PTPN12: variants seen among roughly 807,000 people sequenced by gnomAD.
PTPN12 encodes protein tyrosine phosphatase non-receptor type 12, also known as tyrosine-protein phosphatase non-receptor type 12.
PTPN12 carries 29 observed loss-of-function variants against 97.6 expected under a neutral mutation model. The observed-to-expected ratio is 0.30, with a 90% CI of 0.22 to 0.41. The LOEUF (loss-of-function observed/expected upper bound fraction) is 0.41. Among genes scored for constraint, PTPN12 ranks in the 10% least tolerant of loss-of-function variants. The probability of loss-of-function intolerance (pLI) is 1.00; values close to 1 mark genes in which losing one functional copy is unlikely to be tolerated. For synonymous variants in PTPN12, 327 were observed against 300.4 expected (o/e 1.09, Z -0.91); for missense variants, 819 against 926.0 (o/e 0.88, Z 1.50).
At chr7:77,559,269 C>T (rs1807884107) in intron 1 of PTPN12, among the ~76,000 whole-genome samples, 1 of 152,202 alleles carries the variant, frequency 6.6e-6, no homozygotes, top group Admixed American at 6.5e-5. Context: ...TGCCTAGTTT[C>T]TTCTGGACTT....
chr7:77,553,045 A>G (rs560352594), intron 1 of PTPN12, among the ~76,000 whole-genome samples: 1 of 152,332 alleles, frequency 6.6e-6, no homozygotes, highest in South Asian at 2.1e-4. Flanking sequence ...AAGAATGTGT[A>G]TAGTATATTT....
chr7:77,613,817 A>G (rs944717251), intron 11 of PTPN12, among the ~76,000 whole-genome samples: 5 of 152,024 alleles, frequency 3.3e-5, no homozygotes, highest in Admixed American at 6.6e-5. Context: ...GACTCAAGCA[A>G]TCCATCCGCC....
chr7:77,544,140 A>AG lies in PTPN12; in HGVS notation c.99+6498dup, dbSNP rs574912343. ...ATTACATTCCAATCAGGAATATATG[A>AG]GGGTTCCAGTTCCTCTACATCTTCA... On this transcript the variant is annotated intron_variant, in intron 1 of 17. Coordinates refer to ENST00000248594, the MANE Select transcript of PTPN12 (RefSeq NM_002835.4). Among the ~76,000 whole-genome samples, 41 of 152,276 alleles carry AG rather than the reference A, an allele frequency of 2.7e-4. 2 individuals are homozygous for AG. In the East Asian group the frequency reaches 6.2e-3, roughly 23 times the overall value.
intron 5 of PTPN12, among the ~76,000 whole-genome samples, chr7:77,588,277 C>A (rs1357379681): frequency 6.6e-6 from 1 of 152,046 alleles, no homozygotes; most frequent in Non-Finnish European, 1.5e-5. Flanking sequence ...CACTTGAATA[C>A]TTTGAGGCCA....
chr7:77,585,985 G>T (rs375251108), intron 5 of PTPN12, among the ~76,000 whole-genome samples: 2 of 151,882 alleles, frequency 1.3e-5, no homozygotes, highest in East Asian at 3.9e-4. Context: ...ACAGAGTCTC[G>T]CTCTGTTGCC....
At chr7:77,543,798 C>T (rs913788141) in intron 1 of PTPN12, among the ~76,000 whole-genome samples, 1 of 152,168 alleles carries the variant, frequency 6.6e-6, no homozygotes, top group African/African-American at 2.4e-5. Flanking sequence ...CTCCACCTAA[C>T]ATGATGATTT....
intron 2 of PTPN12, among the ~76,000 whole-genome samples, chr7:77,577,844 G>A (rs1478284330): frequency 1.3e-5 from 2 of 152,082 alleles, no homozygotes; most frequent in Non-Finnish European, 2.9e-5. Flanking sequence ...CTTACTACAA[G>A]ATGTAGTACT....
chr7:77,557,516 T>G (rs902256178), intron 1 of PTPN12, among the ~76,000 whole-genome samples: 1 of 152,258 alleles, frequency 6.6e-6, no homozygotes, highest in Non-Finnish European at 1.5e-5. Context: ...CTCTTAAGAT[T>G]GAGTGACAGA....
At chr7:77,621,245 G>C (rs1788927251) in intron 12 of PTPN12, among the ~76,000 whole-genome samples, 1 of 152,026 alleles carries the variant, frequency 6.6e-6, no homozygotes, top group Non-Finnish European at 1.5e-5. Context: ...AAGGTATCGG[G>C]CAGAAACACA....
chr7:77,625,534 T>G (rs1388899159), intron 12 of PTPN12, among the ~76,000 whole-genome samples: 6 of 104,404 alleles, frequency 5.7e-5, no homozygotes, highest in East Asian at 3.3e-4. Flanking sequence ...ACTCTCACTC[T>G]CACTCGCGCT....
chr7:77,632,278 G>C (rs554197222), intron 13 of PTPN12, 70 bp from the exon 14 acceptor site: 2 of 1,176,908 alleles, frequency 1.7e-6, no homozygotes, highest in Non-Finnish European at 2.5e-6. Flanking sequence ...TTTTTAGAAT[G>C]TCAAGAAAGC....
intron 12 of PTPN12, 37 bp downstream of exon 12, chr7:77,618,602 A>G (rs1467762291): frequency 7.8e-7 from 1 of 1,289,476 alleles, no homozygotes; most frequent in African/African-American, 1.5e-5. Context: ...TTAAAAGCAT[A>G]CTTGTTTCTA....
intron 5 of PTPN12, among the ~76,000 whole-genome samples, chr7:77,586,385 T>C (rs1347199076): frequency 6.6e-6 from 1 of 152,172 alleles, no homozygotes; most frequent in Non-Finnish European, 1.5e-5. Context: ...ATCAAGTTGG[T>C]ATTTGCTAAA....
At chr7:77,571,706 T>C (rs1787146321) in intron 2 of PTPN12, among the ~76,000 whole-genome samples, 1 of 146,230 alleles carries the variant, frequency 6.8e-6, no homozygotes, top group Non-Finnish European at 1.5e-5. Flanking sequence ...TTTATTTATT[T>C]ATTTATTTAT....
chr7:77,563,895 C>A (rs1218487690), intron 1 of PTPN12: 1 of 428,946 alleles, frequency 2.3e-6, no homozygotes, highest in Non-Finnish European at 4.7e-6. Context: ...CTGCTTATAA[C>A]CATTATCGTT....
chr7:77,537,662 G>C lies in PTPN12; in HGVS notation c.99+17G>C. The C allele has an allele frequency of 6.3e-7, 1 of 1,575,802 alleles. No individual in the cohort carries two copies. Among genetic ancestry groups the C allele is most frequent in the African/African-American group, 1.4e-5 (1 of 72,374 alleles). Reference sequence around the variant, plus strand: ...GACTTCATGGTGAGTCTCTCCCCTCGCTGTCGCGTTTTCTTGCCGGCGCCG... The same window carrying C: ...GACTTCATGGTGAGTCTCTCCCCTCCCTGTCGCGTTTTCTTGCCGGCGCCG... On this transcript the variant is annotated intron_variant, in intron 1 of 17. Coordinates refer to ENST00000248594, the MANE Select transcript of PTPN12 (RefSeq NM_002835.4).
chr7:77,613,167 G>GTTTTTTTTTTTTTTTTT (rs576216122), intron 11 of PTPN12, among the ~76,000 whole-genome samples: 1 of 88,534 alleles, frequency 1.1e-5, no homozygotes, highest in Middle Eastern at 8.3e-3. Flanking sequence ...TAATTTTTGG[G>GTTTTTTTTTTTTTTTTT]TTTTTTTTTT....
intron 13 of PTPN12, among the ~76,000 whole-genome samples, chr7:77,630,276 C>T (rs547904255): frequency 6.6e-6 from 1 of 152,152 alleles, no homozygotes; most frequent in South Asian, 2.1e-4. Flanking sequence ...CCATTGGCAC[C>T]AGAATTAGAG....
intron 15 of PTPN12, chr7:77,636,735 A>G (rs561317094): frequency 4.0e-6 from 1 of 253,022 alleles, no homozygotes; most frequent in South Asian, 1.0e-4. Flanking sequence ...AAAATACAAT[A>G]ATGATATAAT....
Sources: allele counts gnomAD v4.1 joint callset (sites outside exome capture counted in the v4.1 genomes callset), GRCh38; gene constraint gnomAD v4.1.1; transcripts MANE v1.5; gene names NCBI Gene and HGNC (gene_info 2026-07-23, HGNC 2026-07-21).